RFX2: variants seen among roughly 807,000 people sequenced by gnomAD.
RFX2 encodes the protein regulatory factor X2.
A neutral mutation model predicts 87.8 loss-of-function variants in RFX2; 20 were observed. That is an observed-to-expected ratio of 0.23 (90% CI 0.16 to 0.33). The LOEUF (loss-of-function observed/expected upper bound fraction) is 0.33. Ranked by LOEUF, RFX2 falls within the 10% of genes least tolerant of loss-of-function variation. The pLI is 1.00. For synonymous variants in RFX2, 397 were observed against 431.3 expected (o/e 0.92, Z 0.98); for missense variants, 767 against 1,012.3 (o/e 0.76, Z 3.29).
chr19:6,000,934 A>C (rs1249432790), intron 15 of RFX2, among the ~76,000 whole-genome samples: 1 of 152,184 alleles, frequency 6.6e-6, no homozygotes, highest in African/African-American at 2.4e-5. Context: ...TTAAAAATGC[A>C]CATTTTCCAT....
intron 1 of RFX2, among the ~76,000 whole-genome samples, chr19:6,076,175 A>G (rs898331335): frequency 6.6e-6 from 1 of 152,104 alleles, no homozygotes; most frequent in Non-Finnish European, 1.5e-5. Flanking sequence ...CCCCATCTCT[A>G]CTAAAAAATA....
chr19:6,033,043 A>G (rs1219594620), intron 5 of RFX2, among the ~76,000 whole-genome samples: 1 of 151,980 alleles, frequency 6.6e-6, no homozygotes, highest in Non-Finnish European at 1.5e-5. Context: ...ACTTGCTTCC[A>G]CCTCCCAAAG....
intron 5 of RFX2, among the ~76,000 whole-genome samples, chr19:6,037,207 C>G (rs909128942): frequency 4.6e-5 from 7 of 151,276 alleles, no homozygotes; most frequent in African/African-American, 1.7e-4. Flanking sequence ...TGATGTGAAC[C>G]TGGGAGGCGG....
At chr19:6,019,962 A>C (rs2086787567) in intron 6 of RFX2, 1 of 152,310 alleles carries the variant, frequency 6.6e-6, no homozygotes, top group Admixed American at 6.5e-5. Context: ...GGAGCAACAG[A>C]GGGTGTCTGG....
chr19:5,994,570 C>T lies in RFX2; in HGVS notation c.*265G>A. 2 of 509,222 alleles carry T rather than the reference C, an allele frequency of 3.9e-6. No individual in the cohort carries two copies. Among genetic ancestry groups the T allele is most frequent in the South Asian group, 2.7e-5 (1 of 37,706 alleles). The allele number at this position is 509,222 out of a possible 1,614,324, so 31.5% of individuals were successfully genotyped here. ...AGGAGGGTTTGTCCAGAATAAGGAA[C>T]CCATGGTCTGGTGGGGCCCTGGTGG... On this transcript the variant is annotated 3_prime_UTR_variant, in exon 18 of 18. Transcript: ENST00000303657.
In RFX2 at chr19:5,997,190, G is replaced by T. The variant is rs1429473958; in HGVS notation, c.1883C>A (p.Thr628Asn). The T allele has an allele frequency of 6.2e-7, 1 of 1,612,304 alleles. No individual in the cohort carries two copies. Residue 628 changes from threonine to asparagine, a missense_variant, in exon 16 of 18, where the codon ACC (threonine) becomes AAC (asparagine). Thr to Asn is a moderately conservative substitution (Grantham distance 65). Around this residue, in one of 2 missense-constraint regions of RFX2, gnomAD observed 621 missense variants for 873.0 expected, o/e 0.71. Coordinates refer to ENST00000303657, the MANE Select transcript of RFX2 (RefSeq NM_000635.4). The surrounding 1 kb of genome is among the most constrained non-coding windows in gnomAD (Gnocchi z 4.2). ...FYSSMVIRDL[T>N]LRSAASFGSF... ...GCCGAAGCTGGCAGCGCTGCGCAGG[G>T]TCAGGTCCCGGATCACCATGGAGCT...
chr19:6,098,674 G>T (rs2088064288), intron 1 of RFX2, among the ~76,000 whole-genome samples: 1 of 151,876 alleles, frequency 6.6e-6, no homozygotes, highest in African/African-American at 2.4e-5. Flanking sequence ...TACTGGGAAG[G>T]CCTAAAAAAG....
intron 3 of RFX2, among the ~76,000 whole-genome samples, chr19:6,043,117 G>A (rs2087134923): frequency 6.6e-6 from 1 of 152,230 alleles, no homozygotes; most frequent in African/African-American, 2.4e-5. Flanking sequence ...AGGGGTGGAA[G>A]TCAAATGTCG....
Position 6,044,257 on chromosome 19 carries a change from G to A in RFX2, c.116C>T (p.Ser39Phe), listed in dbSNP as rs1286949592. Reference sequence around the variant, plus strand: ...CTGCATCTGGGCCCCTTTGGGATTGGAGCTGGCTGCCTGGACCAACACCCT... The same window carrying A: ...CTGCATCTGGGCCCCTTTGGGATTGAAGCTGGCTGCCTGGACCAACACCCT... ...PQRVLVQAAS[S>F]NPKGAQMQPI... Residue 39 changes from serine to phenylalanine, a missense_variant, in exon 3 of 18, where the codon TCC (serine) becomes TTC (phenylalanine). By Grantham distance (155) the Ser-to-Phe change is radical (BLOSUM62 -2). This residue lies in a region of RFX2 where 146 missense variants were observed against 139.2 expected (regional missense o/e 1.05). Transcript: ENST00000303657. The surrounding 1 kb of genome is among the most constrained non-coding windows in gnomAD (Gnocchi z 5.3). 1 of 1,571,714 alleles carries A rather than the reference G, an allele frequency of 6.4e-7. No homozygotes were observed. Among genetic ancestry groups the A allele is most frequent in the Non-Finnish European group, 8.6e-7 (1 of 1,159,098 alleles).
intron 1 of RFX2, chr19:6,073,446 A>G: frequency 3.1e-6 from 3 of 976,132 alleles, no homozygotes; most frequent in Non-Finnish European, 4.6e-6. Context: ...TCCTCCAAGA[A>G]ACAAAACCAT....
Position 6,012,865 on chromosome 19 carries a change from T to C in RFX2, c.899+121A>G. On this transcript the variant is annotated intron_variant, in intron 8 of 17. Transcript: ENST00000303657. This position sits in a 1 kb window ranked among gnomAD's most constrained non-coding sequence, Gnocchi z 4.6. ...TCAGTCTCAGCAGAGGGGGATACCT[T>C]GGCTTTCCCAGGATGCTGGAGACTG... 9.5e-7 allele frequency: 1 copy of C among 1,056,272 alleles called. No homozygotes were observed. Among genetic ancestry groups the C allele is most frequent in the African/African-American group, 1.6e-5 (1 of 61,606 alleles). The allele number at this position is 1,056,272 out of a possible 1,614,324, so 65.4% of individuals were successfully genotyped here. A position where few individuals can be genotyped will look rare whatever the true frequency, so the allele number is the denominator to read the frequency against.
At chr19:6,049,763 T>C (rs1181414983) in intron 1 of RFX2, among the ~76,000 whole-genome samples, 3 of 152,204 alleles carry the variant, frequency 2.0e-5, no homozygotes, top group Non-Finnish European at 4.4e-5. Context: ...CCTGGCCTCA[T>C]GTGATCTGCC....
At chr19:6,043,777 C>G (rs542156226) in intron 3 of RFX2, among the ~76,000 whole-genome samples, 1 of 152,336 alleles carries the variant, frequency 6.6e-6, no homozygotes, top group African/African-American at 2.4e-5. Context: ...GCCGTGCTTT[C>G]AAACTTTGTT....
chr19:6,006,982 C>T lies in RFX2; in HGVS notation c.1402+30G>A, dbSNP rs781705490. ...GAGGAGGCAGGAAGAGAGGATGGAG[C>T]AGCGCCGGGCGGGGCCGTGGGTCAC... On this transcript the variant is annotated intron_variant, in intron 12 of 17. Transcript: ENST00000303657. The T allele has an allele frequency of 1.9e-6, 3 of 1,609,740 alleles. No homozygotes were observed. The East Asian group carries it at 6.7e-5, about 36-fold the overall frequency.
At chr19:6,088,031 CTCAAGGGACAGTCA>C (rs2087879119) in intron 1 of RFX2, among the ~76,000 whole-genome samples, 1 of 152,108 alleles carries the variant, frequency 6.6e-6, no homozygotes, top group Non-Finnish European at 1.5e-5. Context: ...AGCCACAGTC[CTCAAGGGACAGTCA>C]CCCAGAGCTG....
chr19:6,110,194 G>A lies in RFX2; in HGVS notation c.-9+199C>T, dbSNP rs931334022. Among the ~76,000 whole-genome samples, 25 of 151,206 alleles carry A rather than the reference G, an allele frequency of 1.7e-4. No homozygotes were observed. The highest frequency in any genetic ancestry group is 5.8e-4 in the African/African-American group (24 of 41,240). ...CCCCCGCGTTCAGTCAATAAGGAAAGTGGGGACGTCGCCAGGGTCCCCCCA... is the reference window on the plus strand; with the variant it reads ...CCCCCGCGTTCAGTCAATAAGGAAAATGGGGACGTCGCCAGGGTCCCCCCA... On this transcript the variant is annotated intron_variant, in intron 1 of 17. Coordinates refer to ENST00000303657, the MANE Select transcript of RFX2 (RefSeq NM_000635.4). This position sits in a 1 kb window ranked among gnomAD's most constrained non-coding sequence, Gnocchi z 4.3.
Position 6,047,270 on chromosome 19 carries a change from C to T in RFX2, c.90+137G>A. On this transcript the variant is annotated intron_variant, in intron 2 of 17. Coordinates refer to ENST00000303657, the MANE Select transcript of RFX2 (RefSeq NM_000635.4). This position sits in a 1 kb window ranked among gnomAD's most constrained non-coding sequence, Gnocchi z 4.2. ...GTTAAGGAAATTGTGCCTATTTCAA[C>T]AGCAGCAGCACTGGGACTGAGAAGT... 1 of 649,290 alleles carries T rather than the reference C, an allele frequency of 1.5e-6. No individual in the cohort carries two copies. Among genetic ancestry groups the T allele is most frequent in the Non-Finnish European group, 2.5e-6 (1 of 394,302 alleles). The allele number at this position is 649,290 out of a possible 1,614,324, so 40.2% of individuals were successfully genotyped here. A position where few individuals can be genotyped will look rare whatever the true frequency, so the allele number is the denominator to read the frequency against.
rs555198744 is a variant in RFX2, at chr19:6,024,919, G to T, written c.597+1244C>A. 2.7e-5 allele frequency among the ~76,000 whole-genome samples: 4 copies of T among 147,026 alleles called. No individual in the cohort carries two copies. Among genetic ancestry groups the T allele is most frequent in the South Asian group, 4.4e-4 (2 of 4,558 alleles). On this transcript the variant is annotated intron_variant, in intron 6 of 17. Coordinates refer to ENST00000303657, the MANE Select transcript of RFX2 (RefSeq NM_000635.4). The surrounding 1 kb of genome is among the most constrained non-coding windows in gnomAD (Gnocchi z 5.0). ...AGGACGGGAGTCAGGACGGGATCAC[G>T]GTGAGGACGGGAGTCAGGACGGGAT...
intron 6 of RFX2, among the ~76,000 whole-genome samples, chr19:6,019,514 G>GTA (rs953754847): frequency 1.5e-5 from 2 of 136,778 alleles, no homozygotes; most frequent in Non-Finnish European, 3.1e-5. Flanking sequence ...GTGTGAGTAT[G>GTA]TGTGTGTGTG....
Sources: gnomAD v4.1 joint callset for allele counts (sites outside exome capture counted in the v4.1 genomes callset) on GRCh38, gnomAD v4.1.1 for gene constraint, gnomAD v4.1.1 regional missense constraint, Gnocchi (gnomAD v3.1) non-coding constraint, MANE v1.5 for transcripts, NCBI Gene and HGNC (gene_info 2026-07-23, HGNC 2026-07-21) for gene names.